The following ARHGEF38 variants were observed in gnomAD, a reference collection of about 807,000 sequenced individuals.
ARHGEF38 encodes the protein Rho guanine nucleotide exchange factor (GEF) 38.
ARHGEF38 carries 79 observed loss-of-function variants against 79.9 expected under a neutral mutation model. That is an observed-to-expected ratio of 0.99 (90% CI 0.82 to 1.19). The LOEUF is 1.19. Ranked by LOEUF, ARHGEF38 falls within the 50% of genes most tolerant of loss-of-function variation. The probability of loss-of-function intolerance (pLI) is 0.00; values close to 1 mark genes in which losing one functional copy is unlikely to be tolerated. For synonymous variants in ARHGEF38, 366 were observed against 328.3 expected (o/e 1.11, Z -1.24); for missense variants, 962 against 907.2 (o/e 1.06, Z -0.78).
intron 4 of ARHGEF38, among the ~76,000 whole-genome samples, chr4:105,634,291 A>G (rs748947167): frequency 2.0e-5 from 3 of 152,194 alleles, no homozygotes; most frequent in Admixed American, 6.6e-5. Flanking sequence ...AGCAGTAACT[A>G]CAGAGTTTGG....
At chr4:105,636,776 A>G (rs1033544327) in intron 5 of ARHGEF38, among the ~76,000 whole-genome samples, 1 of 152,142 alleles carries the variant, frequency 6.6e-6, no homozygotes, top group East Asian at 1.9e-4. Context: ...GATTAATATC[A>G]TAATGCATTT....
At chr4:105,583,059 C>T (rs1726873103) in intron 1 of ARHGEF38, among the ~76,000 whole-genome samples, 1 of 152,072 alleles carries the variant, frequency 6.6e-6, no homozygotes, top group South Asian at 2.1e-4. Flanking sequence ...TTTTTGAATA[C>T]AGTTTGATAA....
chr4:105,648,064 A>AT lies in ARHGEF38; in HGVS notation c.875-480dup, dbSNP rs572410859. Among the ~76,000 whole-genome samples, 642 of 151,678 alleles carry AT rather than the reference A, an allele frequency of 4.2e-3. 7 individuals are homozygous for AT. The highest frequency in any genetic ancestry group is 0.015 in the African/African-American group (600 of 41,356). ...ACCACCATGCCAGGCTAATTTTTGT[A>AT]TTTTTAGTAGAGACGAGGTTTCACC... is the stretch of plus-strand genomic sequence containing the variant. On this transcript the variant is annotated intron_variant, in intron 6 of 13. Coordinates refer to ENST00000420470, the MANE Select transcript of ARHGEF38 (RefSeq NM_001242729.2).
Position 105,659,243 on chromosome 4 carries a change from G to C in ARHGEF38, c.1423G>C (p.Glu475Gln). 6.5e-7 allele frequency: 1 copy of C among 1,536,122 alleles called. No homozygotes were observed. The highest frequency in any genetic ancestry group is 1.2e-5 in the South Asian group (1 of 84,056). The change falls in exon 10 of 14, where the codon GAG becomes CAG. Residue 475 changes from glutamate to glutamine, a missense_variant. By Grantham distance (29) the Glu-to-Gln change is conservative. Transcript: ENST00000420470. ...EYEALNAQLV[E>Q]ELQAFNQAAR... ...TGAGGCCCTCAACGCCCAGCTTGTG[G>C]AGGAGCTCCAGGCATTCAACCAGGC...
At chr4:105,634,746 C>A (rs1729331590) in intron 4 of ARHGEF38, among the ~76,000 whole-genome samples, 1 of 152,092 alleles carries the variant, frequency 6.6e-6, no homozygotes, top group South Asian at 2.1e-4. Flanking sequence ...ATGGAAGACA[C>A]ATTTCTAGCT....
At chr4:105,638,434 C>CT (rs1483330060) in intron 5 of ARHGEF38, among the ~76,000 whole-genome samples, 1 of 152,008 alleles carries the variant, frequency 6.6e-6, no homozygotes, top group East Asian at 1.9e-4. Context: ...TGCTTTCACT[C>CT]TTTTTTTTAT....
intron 5 of ARHGEF38, among the ~76,000 whole-genome samples, chr4:105,640,890 T>C (rs1207395015): frequency 2.0e-5 from 3 of 152,116 alleles, no homozygotes; most frequent in Non-Finnish European, 4.4e-5. Context: ...CTTATTTCTT[T>C]TTCTGAAGGA....
chr4:105,583,052 T>A (rs1726872728), intron 1 of ARHGEF38, among the ~76,000 whole-genome samples: 1 of 152,206 alleles, frequency 6.6e-6, no homozygotes, highest in African/African-American at 2.4e-5. Context: ...TTGTTGTTTT[T>A]TGAATACAGT....
At chr4:105,557,251 T>C (rs1323344190) in intron 1 of ARHGEF38, among the ~76,000 whole-genome samples, 1 of 152,166 alleles carries the variant, frequency 6.6e-6, no homozygotes, top group African/African-American at 2.4e-5. Context: ...ATATCTCCAG[T>C]ATGTAGATAT....
At chr4:105,562,021 G>C (rs983433139) in intron 1 of ARHGEF38, among the ~76,000 whole-genome samples, 4 of 151,772 alleles carry the variant, frequency 2.6e-5, no homozygotes, top group African/African-American at 9.7e-5. Flanking sequence ...TCAACTCCCT[G>C]TCTCTGATGA....
At chr4:105,617,589 A>G (rs1728559701) in intron 3 of ARHGEF38, among the ~76,000 whole-genome samples, 1 of 152,202 alleles carries the variant, frequency 6.6e-6, no homozygotes, top group Non-Finnish European at 1.5e-5. Flanking sequence ...AGAGTGTCCT[A>G]ACATGGCATT....
At chr4:105,608,894 T>G (rs1046318008) in intron 2 of ARHGEF38, among the ~76,000 whole-genome samples, 2 of 152,054 alleles carry the variant, frequency 1.3e-5, no homozygotes, top group African/African-American at 4.8e-5. Context: ...TCCTTATATA[T>G]TTTGCATATT....
intron 2 of ARHGEF38, among the ~76,000 whole-genome samples, chr4:105,612,629 C>A (rs1284565682): frequency 6.6e-6 from 1 of 152,084 alleles, no homozygotes; most frequent in Non-Finnish European, 1.5e-5. Context: ...AATCAGAGCA[C>A]ATATCTCACC....
rs773225753 is a variant in ARHGEF38, at chr4:105,655,699, G to A, written c.1210G>A (p.Ala404Thr). ...EMDYSETLSN[A>T]LNSCHDFASH... ...GGACTATTCTGAGACCCTAAGTAAT[G>A]CCTTAAATTCGTGTCATGACTTTGT... Residue 404 changes from alanine (A) to threonine (T), a missense_variant, in exon 9 of 14, where the codon GCC becomes ACC. Ala to Thr is a moderately conservative substitution (Grantham distance 58). Coordinates refer to ENST00000420470, the MANE Select transcript of ARHGEF38 (RefSeq NM_001242729.2). The A allele has an allele frequency of 7.3e-5, 112 of 1,535,154 alleles. No homozygotes were observed. The highest frequency in any genetic ancestry group is 6.7e-4 in the Middle Eastern group (4 of 5,982).
At chr4:105,618,242 G>GAATTATAAAT (rs1728587155) in intron 3 of ARHGEF38, among the ~76,000 whole-genome samples, 1 of 152,120 alleles carries the variant, frequency 6.6e-6, no homozygotes, top group Non-Finnish European at 1.5e-5. Flanking sequence ...TAAATATGCT[G>GAATTATAAAT]ATATTGAATT....
intron 3 of ARHGEF38, among the ~76,000 whole-genome samples, chr4:105,623,751 G>A (rs1560728531): frequency 6.6e-6 from 1 of 152,128 alleles, no homozygotes; most frequent in Non-Finnish European, 1.5e-5. Flanking sequence ...GAGCTGATTT[G>A]CCCAATTTAT....
At chr4:105,667,410 A>G (rs1253447685) in intron 12 of ARHGEF38, 34 bp from the exon 13 acceptor site, 3 of 1,534,400 alleles carry the variant, frequency 2.0e-6, no homozygotes, top group South Asian at 1.2e-5. Context: ...ATACCCATGA[A>G]CTTGGTTCTT....
At chr4:105,590,593 A>G (rs372902878) in intron 2 of ARHGEF38, among the ~76,000 whole-genome samples, 7 of 152,208 alleles carry the variant, frequency 4.6e-5, no homozygotes, top group African/African-American at 1.4e-4. Context: ...ATATTTTTCA[A>G]TATCTGTCTA....
intron 1 of ARHGEF38, among the ~76,000 whole-genome samples, chr4:105,580,311 T>G (rs1726724377): frequency 6.6e-6 from 1 of 152,172 alleles, no homozygotes; most frequent in Non-Finnish European, 1.5e-5. Context: ...GATGTTAAGT[T>G]GTAAAATTGA....
Sources: gnomAD v4.1 joint callset for allele counts (sites outside exome capture counted in the v4.1 genomes callset) on GRCh38, gnomAD v4.1.1 for gene constraint, MANE v1.5 for transcripts, NCBI Gene and HGNC (gene_info 2026-07-23, HGNC 2026-07-21) for gene names.